Variants in MSRA observed in about 807,000 individuals in gnomAD.
The protein encoded by MSRA is methionine sulfoxide reductase A.
In MSRA, 54 loss-of-function variants were observed where a neutral mutation model predicts 31.3. That is an observed-to-expected ratio of 1.73 (90% CI 1.39 to 2.17). The LOEUF is 2.17. Ranked by LOEUF, MSRA falls within the 30% of genes most tolerant of loss-of-function variation. The probability of loss-of-function intolerance (pLI) is 0.00; values close to 1 mark genes in which losing one functional copy is unlikely to be tolerated. For synonymous variants in MSRA, 169 were observed against 116.5 expected, an observed-to-expected ratio of 1.45 and a Z score of -2.90; for missense variants, 507 against 300.9, an observed-to-expected ratio of 1.69 and a Z score of -5.07.
At chr8:10,395,457 AT>A (rs1254905606) in intron 5 of MSRA, among the ~76,000 whole-genome samples, 1 of 152,200 alleles carries the variant, frequency 6.6e-6, no homozygotes, top group Non-Finnish European at 1.5e-5. Flanking sequence ...TGGAAGAAAC[AT>A]TTAGCTGTAT....
chr8:10,426,564 T>TC (rs570324692), intron 5 of MSRA, among the ~76,000 whole-genome samples: 251 of 152,328 alleles, frequency 1.6e-3, no homozygotes, highest in African/African-American at 5.9e-3. Flanking sequence ...CTGCCAAATT[T>TC]CGTGTGAGTT....
intron 3 of MSRA, among the ~76,000 whole-genome samples, chr8:10,297,845 C>A (rs1015139714): frequency 6.6e-6 from 1 of 152,110 alleles, no homozygotes; most frequent in Non-Finnish European, 1.5e-5. Context: ...CTTTCCTGAC[C>A]CCATATTGCT....
intron 5 of MSRA, among the ~76,000 whole-genome samples, chr8:10,424,057 C>T (rs559455571): frequency 6.6e-5 from 10 of 152,326 alleles, no homozygotes; most frequent in South Asian, 2.1e-4. Flanking sequence ...TCGGGCATTG[C>T]GATGCCACGC....
At chr8:10,282,462 C>G (rs1305860484) in intron 3 of MSRA, among the ~76,000 whole-genome samples, 1 of 152,202 alleles carries the variant, frequency 6.6e-6, no homozygotes, top group Non-Finnish European at 1.5e-5. Flanking sequence ...ATCTGCAAAC[C>G]TAGCAAAGCC....
chr8:10,380,817 G>C lies in MSRA; in HGVS notation c.544-47331G>C, dbSNP rs147910978. On this transcript the variant is annotated intron_variant, in intron 5 of 5. Coordinates refer to ENST00000317173, the MANE Select transcript of MSRA (RefSeq NM_012331.5). ...AGATGGGTGGATGGATGGAGGGTTGGGTGGAGAGATGGATGGATGGAATGG... is the reference window on the plus strand; with the variant it reads ...AGATGGGTGGATGGATGGAGGGTTGCGTGGAGAGATGGATGGATGGAATGG... Among the ~76,000 whole-genome samples, 19 of 151,998 alleles carry C rather than the reference G, an allele frequency of 1.3e-4. No homozygotes were observed. In the East Asian group the frequency reaches 3.7e-3, roughly 30 times the overall value.
At chr8:10,176,430 C>G (rs1806057397) in intron 1 of MSRA, among the ~76,000 whole-genome samples, 1 of 152,142 alleles carries the variant, frequency 6.6e-6, no homozygotes, top group Admixed American at 6.5e-5. Context: ...GGATGGTGGA[C>G]TTTGTGTGGT....
chr8:10,092,672 G>A (rs982982285), intron 1 of MSRA, among the ~76,000 whole-genome samples: 3 of 151,684 alleles, frequency 2.0e-5, no homozygotes, highest in Non-Finnish European at 4.4e-5. Context: ...CTCTTGTTGG[G>A]TAGATTGTTT....
At chr8:10,250,222 T>A (rs1797845616) in intron 3 of MSRA, among the ~76,000 whole-genome samples, 1 of 152,196 alleles carries the variant, frequency 6.6e-6, no homozygotes, top group Admixed American at 6.5e-5. Context: ...CTATTCAGAT[T>A]CCTGAATACT....
intron 3 of MSRA, among the ~76,000 whole-genome samples, chr8:10,260,602 A>G (rs1259010856): frequency 1.3e-5 from 2 of 152,292 alleles, no homozygotes; most frequent in Non-Finnish European, 2.9e-5. Context: ...AAATCCAAGG[A>G]CGTATCATGT....
intron 1 of MSRA, among the ~76,000 whole-genome samples, chr8:10,185,919 C>T (rs58913892): frequency 6.6e-6 from 1 of 151,848 alleles, no homozygotes; most frequent in Non-Finnish European, 1.5e-5. Flanking sequence ...AGAAGGAAAG[C>T]ACAACTCAGA....
intron 2 of MSRA, among the ~76,000 whole-genome samples, chr8:10,236,058 A>G (rs965773646): frequency 2.0e-5 from 3 of 152,310 alleles, no homozygotes; most frequent in South Asian, 2.1e-4. Context: ...GAAAGCATGC[A>G]TTGTTAATAT....
intron 1 of MSRA, among the ~76,000 whole-genome samples, chr8:10,111,900 A>G (rs117174883): frequency 0.016 from 2,478 of 152,240 alleles, 26 homozygotes; most frequent in Non-Finnish European, 0.022. Context: ...GTGACACTCA[A>G]GTGGGGACCA....
At chr8:10,377,296 G>GC (rs1433155335) in intron 5 of MSRA, among the ~76,000 whole-genome samples, 1 of 152,280 alleles carries the variant, frequency 6.6e-6, no homozygotes, top group African/African-American at 2.4e-5. Flanking sequence ...GTGGCCTGAA[G>GC]CCCCTTTAAG....
intron 1 of MSRA, chr8:10,096,012 C>A: frequency 6.9e-7 from 1 of 1,444,910 alleles, no homozygotes; most frequent in Non-Finnish European, 9.1e-7. Context: ...CAAATCAAAT[C>A]AGAAAGACAT....
intron 3 of MSRA, among the ~76,000 whole-genome samples, chr8:10,274,574 C>T (rs1055336005): frequency 6.6e-6 from 1 of 152,170 alleles, no homozygotes; most frequent in Non-Finnish European, 1.5e-5. Flanking sequence ...TCAGACATAC[C>T]TGTGTTACCT....
At chr8:10,089,538 G>C (rs1798755399) in intron 1 of MSRA, among the ~76,000 whole-genome samples, 1 of 152,170 alleles carries the variant, frequency 6.6e-6, no homozygotes. Flanking sequence ...TGGCTAGGAG[G>C]GGAAACCACA....
At chr8:10,247,256 G>T (rs944584296) in intron 3 of MSRA, among the ~76,000 whole-genome samples, 2 of 152,160 alleles carry the variant, frequency 1.3e-5, no homozygotes, top group African/African-American at 2.4e-5. Context: ...AGGGAGTGTA[G>T]AGGCTCAGAG....
chr8:10,207,777 T>G (rs1809123351), intron 1 of MSRA, 56 bp from the exon 2 acceptor site: 1 of 1,485,064 alleles, frequency 6.7e-7, no homozygotes, highest in Non-Finnish European at 9.2e-7. Flanking sequence ...ATGACATGTG[T>G]TAGTATGTGT....
At chr8:10,188,960 A>G (rs1353875014) in intron 1 of MSRA, among the ~76,000 whole-genome samples, 5 of 152,222 alleles carry the variant, frequency 3.3e-5, no homozygotes, top group African/African-American at 1.2e-4. Context: ...AATTTGGAAG[A>G]TAATTGACAT....
Sources: allele counts gnomAD v4.1 joint callset (sites outside exome capture counted in the v4.1 genomes callset), GRCh38; gene constraint gnomAD v4.1.1; transcripts MANE v1.5; gene names NCBI Gene and HGNC (gene_info 2026-07-23, HGNC 2026-07-21).